The following DCC variants were observed in gnomAD, a reference collection of about 807,000 sequenced individuals.
DCC encodes netrin receptor DCC.
Under a neutral mutation model 172.5 loss-of-function variants are expected in DCC, and 58 were observed. The observed-to-expected ratio is 0.34, with a 90% confidence interval of 0.27 to 0.42. The LOEUF (loss-of-function observed/expected upper bound fraction) is 0.42, where lower values mean the gene tolerates loss of function less well. DCC is among the 10% of genes least tolerant of loss of function. The pLI, the probability that DCC is intolerant of heterozygous loss-of-function variation, is 1.00. For missense variants in DCC, 1,740 were observed against 1,791.0 expected, an observed-to-expected ratio of 0.97 and a Z score of 0.51; for synonymous variants, 709 against 644.5, an observed-to-expected ratio of 1.10 and a Z score of -1.52.
intron 5 of DCC, among the ~76,000 whole-genome samples, chr18:53,011,685 T>C (rs1464039161): frequency 6.6e-6 from 1 of 151,830 alleles, no homozygotes; most frequent in Non-Finnish European, 1.5e-5. Flanking sequence ...TTTGAATTCA[T>C]AGGGATTCTG....
chr18:52,980,748 G>A (rs1479756205), intron 5 of DCC, among the ~76,000 whole-genome samples: 3 of 151,670 alleles, frequency 2.0e-5, no homozygotes, highest in South Asian at 4.2e-4. Flanking sequence ...AGTGGTTAAA[G>A]TTCTCTTAAA....
chr18:52,540,372 A>G (rs2144700523), intron 1 of DCC, among the ~76,000 whole-genome samples: 1 of 152,186 alleles, frequency 6.6e-6, no homozygotes, highest in South Asian at 2.1e-4. Flanking sequence ...GGCTACAGTG[A>G]GCTATGATGG....
intron 9 of DCC, among the ~76,000 whole-genome samples, chr18:53,191,655 C>T (rs1036790231): frequency 1.3e-5 from 2 of 152,114 alleles, no homozygotes; most frequent in Non-Finnish European, 2.9e-5. Flanking sequence ...ATTGAGTTTT[C>T]GAGTTACCAA....
chr18:53,245,431 C>A (rs567525751), intron 12 of DCC, among the ~76,000 whole-genome samples: 3 of 152,104 alleles, frequency 2.0e-5, no homozygotes, highest in African/African-American at 7.2e-5. Flanking sequence ...AGTAACATCA[C>A]CTGCCCTACA....
chr18:53,117,418 C>T (rs2043424045), intron 7 of DCC, among the ~76,000 whole-genome samples: 2 of 151,744 alleles, frequency 1.3e-5, no homozygotes, highest in Admixed American at 6.6e-5. Context: ...CCAAATTTTA[C>T]TACTCATCCT....
At chr18:52,412,438 C>T (rs1986874903) in intron 1 of DCC, among the ~76,000 whole-genome samples, 1 of 151,934 alleles carries the variant, frequency 6.6e-6, no homozygotes, top group Non-Finnish European at 1.5e-5. Flanking sequence ...GTAAAACTGA[C>T]TTGGATGATA....
chr18:53,179,191 G>C (rs2055156162), intron 9 of DCC, 75 bp downstream of exon 9: 1 of 1,424,952 alleles, frequency 7.0e-7, no homozygotes, highest in African/African-American at 1.4e-5. Context: ...TTCTTTCACA[G>C]AACCTTTGCG....
chr18:53,156,912 T>C (rs1203979391), intron 7 of DCC, among the ~76,000 whole-genome samples: 2 of 152,226 alleles, frequency 1.3e-5, no homozygotes, highest in African/African-American at 2.4e-5. Flanking sequence ...AAATGATTTG[T>C]CTTTTACCAA....
chr18:52,833,973 G>T (rs2038660364), intron 2 of DCC, among the ~76,000 whole-genome samples: 1 of 142,824 alleles, frequency 7.0e-6, no homozygotes, highest in Middle Eastern at 3.4e-3. Flanking sequence ...GTAGAAATAA[G>T]CAGGTCAGTC....
chr18:53,273,525 C>T (rs532391905), intron 12 of DCC, among the ~76,000 whole-genome samples: 1 of 152,116 alleles, frequency 6.6e-6, no homozygotes, highest in Non-Finnish European at 1.5e-5. Context: ...ATTCATAGTC[C>T]TTCGGTCAAG....
chr18:52,822,041 T>A (rs898606370), intron 2 of DCC, among the ~76,000 whole-genome samples: 4 of 152,328 alleles, frequency 2.6e-5, no homozygotes, highest in Non-Finnish European at 5.9e-5. Context: ...CTTTAGAATC[T>A]CTTCATTTGC....
chr18:53,532,723 C>T lies in DCC; in HGVS notation c.*2070C>T, dbSNP rs954054801. 1.3e-5 allele frequency: 2 copies of T among 151,642 alleles called. No individual in the cohort carries two copies. Among genetic ancestry groups the T allele is most frequent in the Non-Finnish European group, 2.9e-5 (2 of 68,006 alleles). 9.4% of individuals were successfully genotyped at this position (151,642 alleles called of 1,614,324 possible). Reference sequence around the variant, plus strand: ...ATTCTCCTTAGGCACTTGACACCCACGAGGGTAATCCTGAGTGCTCAGTTT... The same window carrying T: ...ATTCTCCTTAGGCACTTGACACCCATGAGGGTAATCCTGAGTGCTCAGTTT... On this transcript the variant is annotated 3_prime_UTR_variant, in exon 29 of 29. Coordinates refer to ENST00000442544, the MANE Select transcript of DCC (RefSeq NM_005215.4).
At chr18:52,415,953 A>T (rs908311710) in intron 1 of DCC, among the ~76,000 whole-genome samples, 21 of 151,652 alleles carry the variant, frequency 1.4e-4, no homozygotes, top group African/African-American at 5.1e-4. Flanking sequence ...TAGTTCTTTT[A>T]ATTGTGATGT....
At chr18:53,340,371 C>T (rs963261105) in intron 15 of DCC, among the ~76,000 whole-genome samples, 2 of 151,998 alleles carry the variant, frequency 1.3e-5, no homozygotes, top group African/African-American at 2.4e-5. Flanking sequence ...GCCTTCTTTA[C>T]CGTTAACATT....
intron 5 of DCC, among the ~76,000 whole-genome samples, chr18:52,931,228 C>T (rs879801267): frequency 2.0e-5 from 3 of 151,990 alleles, no homozygotes; most frequent in Admixed American, 6.6e-5. Context: ...GATTATCCTG[C>T]AGGACTGAGT....
chr18:52,541,863 A>AAG (rs1555695190), intron 1 of DCC, among the ~76,000 whole-genome samples: 22 of 125,894 alleles, frequency 1.7e-4, no homozygotes, highest in Admixed American at 1.3e-3. Flanking sequence ...AAAGTATATG[A>AAG]TGTGTGTGTG....
chr18:52,376,680 A>G (rs1158439342), intron 1 of DCC, among the ~76,000 whole-genome samples: 2 of 152,136 alleles, frequency 1.3e-5, no homozygotes, highest in African/African-American at 4.8e-5. Flanking sequence ...CTCTGCAATC[A>G]TTTAGTGAAT....
intron 2 of DCC, among the ~76,000 whole-genome samples, chr18:52,895,332 A>G (rs1422473554): frequency 1.3e-5 from 2 of 152,224 alleles, no homozygotes; most frequent in Non-Finnish European, 2.9e-5. Flanking sequence ...ATTCATTACT[A>G]TTGATTATAA....
intron 1 of DCC, among the ~76,000 whole-genome samples, chr18:52,474,244 A>AGAGAGAGAGAGAG (rs1568186675): frequency 1.6e-4 from 5 of 32,140 alleles, no homozygotes; most frequent in African/African-American, 3.5e-4. Context: ...GAGAGAGAGA[A>AGAGAGAGAGAGAG]AGAGAGAGAA....
Sources: allele counts gnomAD v4.1 joint callset (sites outside exome capture counted in the v4.1 genomes callset), GRCh38; gene constraint gnomAD v4.1.1; transcripts MANE v1.5; gene names NCBI Gene and HGNC (gene_info 2026-07-23, HGNC 2026-07-21).